Variants in VMP1 observed in about 807,000 individuals in gnomAD.
The protein encoded by VMP1 is ectopic P-granules autophagy protein 3 homolog.
A neutral mutation model predicts 56.0 loss-of-function variants in VMP1; 11 were observed. The observed-to-expected ratio is 0.20, with a 90% confidence interval of 0.12 to 0.32. The LOEUF is 0.32. VMP1 is among the 10% of genes least tolerant of loss of function. VMP1 has a pLI of 1.00. For missense variants in VMP1, 296 were observed against 490.3 expected, an observed-to-expected ratio of 0.60 and a Z score of 3.74; for synonymous variants, 149 against 165.0, an observed-to-expected ratio of 0.90 and a Z score of 0.74.
intron 1 of VMP1, among the ~76,000 whole-genome samples, chr17:59,730,469 A>G (rs2143797607): frequency 6.6e-6 from 1 of 152,182 alleles, no homozygotes; most frequent in Middle Eastern, 3.4e-3. Flanking sequence ...CTCACTGTGT[A>G]GTCCAGGCTG....
intron 7 of VMP1, among the ~76,000 whole-genome samples, chr17:59,797,410 G>A (rs2037480544): frequency 6.6e-6 from 1 of 151,446 alleles, no homozygotes; most frequent in African/African-American, 2.4e-5. Context: ...CAACCCTAAT[G>A]TCCACCAACA....
chr17:59,790,021 A>G (rs1344172140), intron 7 of VMP1, among the ~76,000 whole-genome samples: 2 of 151,564 alleles, frequency 1.3e-5, no homozygotes, highest in Non-Finnish European at 1.5e-5. Context: ...TTGTATTTCT[A>G]GTAGAGACAG....
intron 1 of VMP1, among the ~76,000 whole-genome samples, chr17:59,719,119 C>G (rs1307964296): frequency 6.6e-6 from 1 of 152,106 alleles, no homozygotes; most frequent in Admixed American, 6.6e-5. Context: ...TATTTTGTTT[C>G]CAAGAGTAGA....
At chr17:59,804,163 A>T (rs1017550669) in intron 7 of VMP1, among the ~76,000 whole-genome samples, 1 of 152,134 alleles carries the variant, frequency 6.6e-6, no homozygotes, top group Non-Finnish European at 1.5e-5. Context: ...TTTTAGAAAA[A>T]CAAAGAACTT....
In VMP1 at chr17:59,838,585, C is replaced by G. The variant is rs75110149; in HGVS notation, c.1077+188C>G. On this transcript the variant is annotated intron_variant, in intron 11 of 11. Transcript: ENST00000262291. Reference sequence around the variant, plus strand: ...TGTCTTAGACTAGAAAGTGTAACTTCTGTACATCTTCTCCTAAAAACAAGG... The same window carrying G: ...TGTCTTAGACTAGAAAGTGTAACTTGTGTACATCTTCTCCTAAAAACAAGG... 8.5e-6 allele frequency: 5 copies of G among 588,284 alleles called. No homozygotes were observed. In the African/African-American group the frequency reaches 9.3e-5, roughly 11 times the overall value. The allele number at this position is 588,284 out of a possible 1,614,324, so 36.4% of individuals were successfully genotyped here. A position where few individuals can be genotyped will look rare whatever the true frequency, so the allele number is the denominator to read the frequency against.
At chr17:59,797,351 A>G (rs1229429385) in intron 7 of VMP1, among the ~76,000 whole-genome samples, 3 of 151,920 alleles carry the variant, frequency 2.0e-5, no homozygotes, top group African/African-American at 4.8e-5. Flanking sequence ...AAAAAAAAAA[A>G]AAAAAGAAAA....
chr17:59,767,971 A>G (rs1327052151), intron 6 of VMP1, among the ~76,000 whole-genome samples: 1 of 151,896 alleles, frequency 6.6e-6, no homozygotes, highest in Non-Finnish European at 1.5e-5. Flanking sequence ...TTAGCTGGGC[A>G]TGGTGGCTCA....
chr17:59,716,737 T>G (rs1412697018), intron 1 of VMP1, among the ~76,000 whole-genome samples: 1 of 152,172 alleles, frequency 6.6e-6, no homozygotes, highest in Non-Finnish European at 1.5e-5. Context: ...TATACAAAAG[T>G]AGTTGTTATT....
intron 1 of VMP1, among the ~76,000 whole-genome samples, chr17:59,714,046 G>GA (rs771155795): frequency 0.021 from 1,296 of 61,714 alleles, 9 homozygotes; most frequent in South Asian, 0.04. Flanking sequence ...GTCTTAAAAG[G>GA]AAAAAAAAAA....
chr17:59,839,776 C>T lies in VMP1; in HGVS notation c.1086C>T (p.Asn362=), dbSNP rs1277064472. The T allele has an allele frequency of 1.1e-5, 18 of 1,608,720 alleles. No individual in the cohort carries two copies. In the East Asian group the frequency reaches 3.6e-4, roughly 32 times the overall value. ...TGCATTTATTTCTACAGGGAGAAAA[C>T]TGGTTGTCCTGGATGTTTGAAAAGT... ...KSEMGTPQGE[N]WLSWMFEKLV... Residue 362 remains asparagine, a synonymous_variant, in exon 12 of 12, where the codon AAC becomes AAT. Transcript: ENST00000262291.
chr17:59,758,454 AG>A (rs2035927350), intron 5 of VMP1, among the ~76,000 whole-genome samples: 1 of 151,908 alleles, frequency 6.6e-6, no homozygotes, highest in African/African-American at 2.4e-5. Flanking sequence ...TGGGAGGCCA[AG>A]GCAGGAGGAT....
chr17:59,832,422 T>A (rs946054567), intron 10 of VMP1, among the ~76,000 whole-genome samples: 26 of 151,670 alleles, frequency 1.7e-4, no homozygotes, highest in African/African-American at 5.8e-4. Context: ...ACTTCTTTTT[T>A]TGTTTTTCTA....
chr17:59,757,613 C>T (rs1201079731), intron 5 of VMP1, among the ~76,000 whole-genome samples: 1 of 152,108 alleles, frequency 6.6e-6, no homozygotes, highest in Non-Finnish European at 1.5e-5. Flanking sequence ...AGTTTGCTCT[C>T]ACCCAGACAT....
intron 10 of VMP1, among the ~76,000 whole-genome samples, chr17:59,835,898 T>A (rs1386202011): frequency 2.0e-5 from 3 of 148,608 alleles, no homozygotes; most frequent in African/African-American, 7.3e-5. Context: ...TTAAAATATT[T>A]TATATATTTG....
chr17:59,806,200 T>A (rs2037837018), intron 7 of VMP1, among the ~76,000 whole-genome samples: 1 of 152,064 alleles, frequency 6.6e-6, no homozygotes, highest in Non-Finnish European at 1.5e-5. Flanking sequence ...ATAGGATTAG[T>A]GAAAAGGAGC....
intron 7 of VMP1, among the ~76,000 whole-genome samples, chr17:59,782,388 TTTG>T (rs1221858343): frequency 1.3e-5 from 2 of 152,230 alleles, no homozygotes; most frequent in African/African-American, 4.8e-5. Context: ...TGTCTTATAT[TTTG>T]TTGTTCTAAT....
At chr17:59,746,240 A>T (rs1286026661) in intron 5 of VMP1, among the ~76,000 whole-genome samples, 2 of 152,104 alleles carry the variant, frequency 1.3e-5, no homozygotes, top group Non-Finnish European at 1.5e-5. Context: ...CTGTGATCTC[A>T]GCTCACTGCA....
intron 10 of VMP1, among the ~76,000 whole-genome samples, chr17:59,832,182 C>CTTTTTTT (rs766864144): frequency 6.8e-5 from 7 of 102,784 alleles, no homozygotes; most frequent in Non-Finnish European, 1.1e-4. Context: ...ATGAGATCAA[C>CTTTTTTT]TTTTTTTTTT....
At chr17:59,780,328 C>T (rs1476369657) in intron 7 of VMP1, among the ~76,000 whole-genome samples, 3 of 152,198 alleles carry the variant, frequency 2.0e-5, no homozygotes, top group Admixed American at 6.5e-5. Context: ...CAGTGGCTCA[C>T]GCCTGTAATT....
Sources: gnomAD v4.1 joint callset for allele counts (sites outside exome capture counted in the v4.1 genomes callset) on GRCh38, gnomAD v4.1.1 for gene constraint, MANE v1.5 for transcripts, NCBI Gene and HGNC (gene_info 2026-07-23, HGNC 2026-07-21) for gene names.